Variants in LAMP2 observed in about 807,000 individuals in gnomAD.
LAMP2 encodes lysosome-associated membrane glycoprotein 2.
Under a neutral mutation model 25.6 loss-of-function variants are expected in LAMP2, and 4 were observed. That is an observed-to-expected ratio of 0.16 (90% CI 0.08 to 0.36). LAMP2 has a LOEUF of 0.36. Ranked by LOEUF, LAMP2 falls within the 10% of genes least tolerant of loss-of-function variation. The probability of loss-of-function intolerance (pLI) is 1.00; values close to 1 mark genes in which losing one functional copy is unlikely to be tolerated. For synonymous variants in LAMP2, 108 were observed against 112.7 expected (o/e 0.96, Z 0.27); for missense variants, 272 against 301.4 (o/e 0.90, Z 0.72).
At chrX:120,433,850 G>A (rs1347770272) in intron 8 of LAMP2, among the ~76,000 whole-genome samples, 1 of 111,970 alleles carries the variant, frequency 8.9e-6, no homozygotes, top group African/African-American at 3.2e-5. Context: ...TTCTGATTGT[G>A]CTTGCATTCA....
At chrX:120,444,352 C>T (rs1159164891) in intron 6 of LAMP2, among the ~76,000 whole-genome samples, 1 of 111,907 alleles carries the variant, frequency 8.9e-6, no homozygotes, top group Non-Finnish European at 1.9e-5. Context: ...CAAGACTCCA[C>T]AATTTGTCCC....
intron 3 of LAMP2, among the ~76,000 whole-genome samples, chrX:120,454,691 A>AT (rs1367019708): frequency 9.1e-6 from 1 of 109,750 alleles, no homozygotes; most frequent in Non-Finnish European, 1.9e-5. Context: ...ATAGTTAAGT[A>AT]TATGAATTCT....
rs140847511 is a variant in LAMP2 at position 120,461,169 on chromosome X, C to A, written c.65-4400G>T. Among the ~76,000 whole-genome samples the A allele has an allele frequency of 1.3e-4, 14 of 111,544 alleles. No homozygotes were observed. In the East Asian group the frequency reaches 2.5e-3, roughly 20 times the overall value. On this transcript the variant is annotated intron_variant, in intron 1 of 8. Coordinates refer to ENST00000200639, the MANE Select transcript of LAMP2 (RefSeq NM_002294.3). ...ATATCCCAGTTCTTTTTAATAAATT[C>A]TTTTCTGCTTAAAATCAATCAGATT...
In LAMP2 at chrX:120,430,398, A is replaced by C. The variant is rs901821982; in HGVS notation, c.*925T>G. On this transcript the variant is annotated 3_prime_UTR_variant, in exon 9 of 9. Transcript: ENST00000200639. Reference sequence around the variant, plus strand: ...TGAGATTGCTGTTAGCTTACATTTCATAAGTACCACACTGATGACAACACT... The same window carrying C: ...TGAGATTGCTGTTAGCTTACATTTCCTAAGTACCACACTGATGACAACACT... The C allele has an allele frequency of 3.1e-5, 23 of 753,786 alleles. No individual in the cohort carries two copies. Among genetic ancestry groups the C allele is most frequent in the Non-Finnish European group, 3.1e-5 (20 of 638,600 alleles). 62.1% of individuals were successfully genotyped at this position (753,786 alleles called of 1,213,427 possible).
rs952860374 is a variant in LAMP2 at position 120,427,223 on chromosome X, A to G, written c.*4100T>C. Among the ~76,000 whole-genome samples the G allele has an allele frequency of 2.7e-5, 3 of 111,797 alleles. No individual in the cohort carries two copies. The highest frequency in any genetic ancestry group is 9.8e-5 in the African/African-American group (3 of 30,739). On this transcript the variant is annotated 3_prime_UTR_variant, in exon 9 of 9. Coordinates refer to ENST00000200639, the MANE Select transcript of LAMP2 (RefSeq NM_002294.3). ...TTTGGGAACTTTTGTTTTTAGTTAAATGTAGAGATAAAATAGCTTGATAAA... is the reference window on the plus strand; with the variant it reads ...TTTGGGAACTTTTGTTTTTAGTTAAGTGTAGAGATAAAATAGCTTGATAAA...
intron 3 of LAMP2, among the ~76,000 whole-genome samples, chrX:120,449,745 C>T (rs565270703): frequency 3.6e-5 from 4 of 112,278 alleles, no homozygotes; most frequent in African/African-American, 1.3e-4. Flanking sequence ...TTTTAGCAGT[C>T]GAGGGCTAGC....
intron 3 of LAMP2, among the ~76,000 whole-genome samples, chrX:120,455,119 C>T (rs1201205949): frequency 4.8e-5 from 5 of 104,515 alleles, no homozygotes; most frequent in African/African-American, 1.7e-4. Context: ...AGGTGACTTA[C>T]TGTATACTAG....
intron 3 of LAMP2, among the ~76,000 whole-genome samples, chrX:120,454,912 TATAC>T (rs1325346360): frequency 4.7e-4 from 41 of 86,459 alleles, no homozygotes; most frequent in East Asian, 1.0e-3. Flanking sequence ...TATATATATA[TATAC>T]ACACACACAC....
intron 2 of LAMP2, among the ~76,000 whole-genome samples, chrX:120,455,984 T>C (rs780685390): frequency 4.9e-5 from 5 of 101,015 alleles, no homozygotes; most frequent in African/African-American, 3.6e-5. Context: ...GCAAAAGTAA[T>C]TGTGGTTTGT....
intron 8 of LAMP2, among the ~76,000 whole-genome samples, chrX:120,432,273 G>A (rs947941515): frequency 9.0e-5 from 10 of 110,883 alleles, no homozygotes; most frequent in African/African-American, 2.6e-4. Context: ...CAAGGGAAAC[G>A]CAAGCAGGTT....
intron 8 of LAMP2, chrX:120,436,421 C>A: frequency 1.6e-6 from 1 of 628,878 alleles, no homozygotes; most frequent in Non-Finnish European, 1.9e-6. Context: ...TAAAGTTTTT[C>A]CATTTGAAAG....
intron 6 of LAMP2, among the ~76,000 whole-genome samples, chrX:120,442,916 C>T (rs774418841): frequency 9.0e-6 from 1 of 111,716 alleles, no homozygotes; most frequent in Non-Finnish European, 1.9e-5. Flanking sequence ...TTTATGGCCT[C>T]AATTTTATTC....
At position 120,429,610 on chromosome X, in the gene LAMP2, C is replaced by T; in HGVS notation, c.*1713G>A. ...TTGGTATATTACTACTGAAAAAGCC[C>T]ATATTAGTATTAAAAAAAAAACTTA... On this transcript the variant is annotated 3_prime_UTR_variant, in exon 9 of 9. Transcript: ENST00000200639. The T allele has an allele frequency of 1.3e-6, 1 of 747,922 alleles. No individual in the cohort carries two copies. The highest frequency in any genetic ancestry group is 6.8e-5 in the South Asian group (1 of 14,660). 61.6% of individuals were successfully genotyped at this position (747,922 alleles called of 1,213,427 possible).
In LAMP2 at chrX:120,427,716, CTAAACCATAACCTTAA is replaced by C. The variant is rs1309995359; in HGVS notation, c.*3591_*3606del. On this transcript the variant is annotated 3_prime_UTR_variant, in exon 9 of 9. Coordinates refer to ENST00000200639, the MANE Select transcript of LAMP2 (RefSeq NM_002294.3). ...TAAGGCTCTGAGGGAAAAAAACTTTCTAAACCATAACCTTAATAAACCATAACCCATACAGGTGTTC... is the reference window on the plus strand; with the variant it reads ...TAAGGCTCTGAGGGAAAAAAACTTTCTAAACCATAACCCATACAGGTGTTC... 9.0e-6 allele frequency: 1 copy of C among 111,430 alleles called. No individual in the cohort carries two copies. The highest frequency in any genetic ancestry group is 1.9e-5 in the Non-Finnish European group (1 of 52,984). The allele number at this position is 111,430 out of a possible 1,213,427, so 9.2% of individuals were successfully genotyped here. A position where few individuals can be genotyped will look rare whatever the true frequency, so the allele number is the denominator to read the frequency against.
At chrX:120,460,292 G>T (rs1247809513) in intron 1 of LAMP2, among the ~76,000 whole-genome samples, 3 of 110,347 alleles carry the variant, frequency 2.7e-5, no homozygotes, top group Non-Finnish European at 5.7e-5. Flanking sequence ...AAATCATAAC[G>T]AGGAGGAGGA....
intron 8 of LAMP2, among the ~76,000 whole-genome samples, chrX:120,439,714 T>C (rs962568457): frequency 9.0e-5 from 10 of 110,816 alleles, no homozygotes; most frequent in Admixed American, 1.9e-4. Flanking sequence ...CATATACATA[T>C]ACATACACAC....
At chrX:120,466,645 T>G (rs1329116663) in intron 1 of LAMP2, among the ~76,000 whole-genome samples, 1 of 111,427 alleles carries the variant, frequency 9.0e-6, no homozygotes, top group African/African-American at 3.3e-5. Context: ...TACTTTCTTA[T>G]CCACTGAGGA....
At chrX:120,438,166 G>A (rs2058554177) in intron 8 of LAMP2, 1 of 750,507 alleles carries the variant, frequency 1.3e-6, no homozygotes, top group Non-Finnish European at 1.6e-6. Flanking sequence ...CTAGATGCAA[G>A]TTATTTTATA....
chrX:120,453,995 C>G (rs934879115), intron 3 of LAMP2, among the ~76,000 whole-genome samples: 1 of 111,237 alleles, frequency 9.0e-6, no homozygotes, highest in African/African-American at 3.3e-5. Context: ...TTTTTGCTTT[C>G]CCTGGTTTCA....
Sources: gnomAD v4.1 joint callset for allele counts (sites outside exome capture counted in the v4.1 genomes callset) on GRCh38, gnomAD v4.1.1 for gene constraint, MANE v1.5 for transcripts, NCBI Gene and HGNC (gene_info 2026-07-23, HGNC 2026-07-21) for gene names.